FHIT: variants seen among roughly 807,000 people sequenced by gnomAD.
FHIT encodes the protein bis(5'-adenosyl)-triphosphatase.
In FHIT, 19 loss-of-function variants were observed where a neutral mutation model predicts 17.9. That is an observed-to-expected ratio of 1.06 (90% CI 0.74 to 1.56). FHIT has a LOEUF of 1.56. FHIT is among the 40% of genes most tolerant of loss of function. FHIT has a pLI of 0.00. For synonymous variants in FHIT, 81 were observed against 69.7 expected (o/e 1.16, Z -0.81); for missense variants, 248 against 189.2 (o/e 1.31, Z -1.82).
At chr3:60,096,379 G>C (rs1330127362) in intron 5 of FHIT, among the ~76,000 whole-genome samples, 4 of 152,122 alleles carry the variant, frequency 2.6e-5, no homozygotes, top group African/African-American at 9.7e-5. Flanking sequence ...GCAGTAGGTA[G>C]TACTCGAAAA....
intron 5 of FHIT, among the ~76,000 whole-genome samples, chr3:60,319,713 T>A (rs1709331715): frequency 6.6e-6 from 1 of 152,134 alleles, no homozygotes; most frequent in Non-Finnish European, 1.5e-5. Context: ...AATAAAGTGA[T>A]CACCGTGGAA....
At chr3:60,645,541 C>T (rs1412289225) in intron 4 of FHIT, among the ~76,000 whole-genome samples, 1 of 152,116 alleles carries the variant, frequency 6.6e-6, no homozygotes. Context: ...AATACATGGC[C>T]ACAGTTGTCT....
chr3:61,218,158 G>C (rs753689471), intron 1 of FHIT, among the ~76,000 whole-genome samples: 17 of 152,190 alleles, frequency 1.1e-4, no homozygotes, highest in Non-Finnish European at 2.4e-4. Flanking sequence ...GGATGTGACT[G>C]TCCAGGGAGT....
At chr3:60,363,364 A>T (rs1355477877) in intron 5 of FHIT, among the ~76,000 whole-genome samples, 1 of 152,168 alleles carries the variant, frequency 6.6e-6, no homozygotes, top group Non-Finnish European at 1.5e-5. Flanking sequence ...AAACTGCTTA[A>T]CTTTTCAAAA....
At position 60,222,155 on chromosome 3, in the gene FHIT, A is replaced by G. The variant is rs548366066; in HGVS notation, c.104-208003T>C. ...TCAACTTGGGAATGTATTCAAATCA[A>G]CTCTTTGAAATTCCATCTAACAACA... On this transcript the variant is annotated intron_variant, in intron 5 of 9. Coordinates refer to ENST00000492590, the MANE Select transcript of FHIT (RefSeq NM_002012.4). 2.6e-5 allele frequency among the ~76,000 whole-genome samples: 4 copies of G among 151,962 alleles called. No individual in the cohort carries two copies. The East Asian group carries it at 5.8e-4, about 22-fold the overall frequency.
At chr3:61,032,140 C>CGAAT (rs1178423997) in intron 3 of FHIT, among the ~76,000 whole-genome samples, 1 of 152,218 alleles carries the variant, frequency 6.6e-6, no homozygotes, top group African/African-American at 2.4e-5. Context: ...TTCCTTCATT[C>CGAAT]ATTCAACAAA....
intron 3 of FHIT, among the ~76,000 whole-genome samples, chr3:60,994,672 G>A (rs754881931): frequency 2.0e-5 from 3 of 152,126 alleles, no homozygotes; most frequent in South Asian, 2.1e-4. Flanking sequence ...AACCTGGAGC[G>A]GAAGGGACAT....
intron 3 of FHIT, among the ~76,000 whole-genome samples, chr3:60,955,597 C>CATATATATATATATATATATATAT (rs201555469): frequency 5.2e-5 from 4 of 77,648 alleles, no homozygotes; most frequent in African/African-American, 1.2e-4. Flanking sequence ...CATATATATA[C>CATATATATATATATATATATATAT]ATATATATAT....
At chr3:60,255,946 A>G (rs556712069) in intron 5 of FHIT, among the ~76,000 whole-genome samples, 1 of 152,324 alleles carries the variant, frequency 6.6e-6, no homozygotes, top group Admixed American at 6.5e-5. Context: ...GGGGGATCTC[A>G]GCCCCTAAGT....
chr3:60,350,902 C>T (rs950354859), intron 5 of FHIT, among the ~76,000 whole-genome samples: 2 of 152,160 alleles, frequency 1.3e-5, no homozygotes, highest in South Asian at 4.1e-4. Context: ...CAAACTCACT[C>T]GAGAGTCTCT....
In FHIT at chr3:59,802,008, C is replaced by T. The variant is rs12490629; in HGVS notation, c.349-49687G>A. Among the ~76,000 whole-genome samples the T allele has an allele frequency of 8.8e-3, 1,340 of 152,336 alleles. 63 individuals carry two copies. Among genetic ancestry groups the T allele is most frequent in the Admixed American group, 0.079 (1,205 of 15,308 alleles). On this transcript the variant is annotated intron_variant, in intron 8 of 9. Transcript: ENST00000492590. ...CTTCCAAACGTGTATCAAATACTCC[C>T]CCTTCCACAAAGATTCTCTGAGTCA...
At chr3:61,167,902 G>A (rs2037888922) in intron 2 of FHIT, among the ~76,000 whole-genome samples, 1 of 152,062 alleles carries the variant, frequency 6.6e-6, no homozygotes, top group South Asian at 2.1e-4. Context: ...TCAGTGAGGT[G>A]AGATTATTTG....
intron 4 of FHIT, among the ~76,000 whole-genome samples, chr3:60,564,466 G>C (rs533650661): frequency 6.6e-6 from 1 of 152,090 alleles, no homozygotes; most frequent in Non-Finnish European, 1.5e-5. Context: ...TAACTGTCAT[G>C]GACAGTGACT....
chr3:59,940,720 T>C (rs1186599617), intron 7 of FHIT, among the ~76,000 whole-genome samples: 1 of 152,184 alleles, frequency 6.6e-6, no homozygotes, highest in Non-Finnish European at 1.5e-5. Flanking sequence ...GGGTTCTATA[T>C]TTATAAAATG....
intron 5 of FHIT, among the ~76,000 whole-genome samples, chr3:60,247,043 A>T (rs531392701): frequency 6.6e-6 from 1 of 152,140 alleles, no homozygotes; most frequent in Non-Finnish European, 1.5e-5. Flanking sequence ...CTAAGAGTGA[A>T]CCCTAATAGA....
intron 1 of FHIT, among the ~76,000 whole-genome samples, chr3:61,242,604 A>G (rs540957576): frequency 6.6e-6 from 1 of 152,214 alleles, no homozygotes; most frequent in Non-Finnish European, 1.5e-5. Flanking sequence ...GAAAGAATTT[A>G]ATTCATGCAG....
chr3:60,756,464 C>G (rs1375782720), intron 4 of FHIT, among the ~76,000 whole-genome samples: 1 of 152,212 alleles, frequency 6.6e-6, no homozygotes, highest in Non-Finnish European at 1.5e-5. Flanking sequence ...AAGCTCCAGG[C>G]TGCTTCCACC....
At chr3:60,097,897 A>G (rs1450343013) in intron 5 of FHIT, among the ~76,000 whole-genome samples, 1 of 123,052 alleles carries the variant, frequency 8.1e-6, no homozygotes, top group Non-Finnish European at 1.6e-5. Context: ...CCGGTGTGTG[A>G]TGTTCCCCTT....
chr3:60,308,468 ACG>A lies in FHIT; in HGVS notation c.103+228390_103+228391del, dbSNP rs1488150283. ...CTAACCCAACACTCTACCAAATTGC[ACG>A]TATAGGTATAGGTATAGGTGTATGT... On this transcript the variant is annotated intron_variant, in intron 5 of 9. Coordinates refer to ENST00000492590, the MANE Select transcript of FHIT (RefSeq NM_002012.4). Among the ~76,000 whole-genome samples the A allele has an allele frequency of 7.9e-5, 11 of 139,878 alleles. No homozygotes were observed. In the South Asian group the frequency reaches 2.2e-3, roughly 28 times the overall value. 91.8% of individuals were successfully genotyped at this position (139,878 alleles called of 152,430 possible). A position where few individuals can be genotyped will look rare whatever the true frequency, so the allele number is the denominator to read the frequency against.
Sources: allele counts gnomAD v4.1 joint callset (sites outside exome capture counted in the v4.1 genomes callset), GRCh38; gene constraint gnomAD v4.1.1; transcripts MANE v1.5; gene names NCBI Gene and HGNC (gene_info 2026-07-23, HGNC 2026-07-21).